Variants in ZNF503 observed in about 807,000 individuals in gnomAD.
The protein encoded by ZNF503 is zinc finger protein 503.
In ZNF503, 15 loss-of-function variants were observed where a neutral mutation model predicts 34.4. The observed-to-expected ratio is 0.44, with a 90% confidence interval of 0.29 to 0.67. The LOEUF (loss-of-function observed/expected upper bound fraction) is 0.67, where lower values mean the gene tolerates loss of function less well. ZNF503 is among the 30% of genes least tolerant of loss of function. The pLI is 0.13. For missense variants in ZNF503, 1,007 were observed against 926.8 expected (o/e 1.09, Z -1.12); for synonymous variants, 580 against 456.8 (o/e 1.27, Z -3.44).
In ZNF503 at chr10:75,400,409, CAGAG is replaced by C. The variant is rs1843781676; in HGVS notation, c.316-39_316-36del. Reference sequence around the variant, plus strand: ...CAGACGATGGGGGGGGAGCGTCACACAGAGAAAGAAGTGGAAACCCTTTAGAATC... The same window carrying C: ...CAGACGATGGGGGGGGAGCGTCACACAAAGAAGTGGAAACCCTTTAGAATC... On this transcript the variant is annotated intron_variant, in intron 1 of 1. Coordinates refer to ENST00000372524, the MANE Select transcript of ZNF503 (RefSeq NM_032772.6). 3.8e-6 allele frequency: 6 copies of C among 1,572,136 alleles called. No homozygotes were observed. In the African/African-American group the frequency reaches 6.8e-5, roughly 18 times the overall value.
At chr10:75,382,418 C>T in the ZNF503 span, 312 of 418,674 alleles carry the variant, frequency 7.5e-4, no homozygotes, top group African/African-American at 6.2e-3. Flanking sequence ...TTCCTCATGT[C>T]GGAGACTATC....
chr10:75,322,127 ATT>A, the ZNF503 span, among the ~76,000 whole-genome samples: 1 of 140,144 alleles, frequency 7.1e-6, no homozygotes. Context: ...ACCACCACCA[ATT>A]TTTTTTTTTT....
chr10:75,388,898 A>G, the ZNF503 span, among the ~76,000 whole-genome samples: 12 of 152,228 alleles, frequency 7.9e-5, no homozygotes, highest in Non-Finnish European at 1.3e-4. Flanking sequence ...AGGATTTAAA[A>G]TCTGCAGGCC....
the ZNF503 span, among the ~76,000 whole-genome samples, chr10:75,322,775 A>T: frequency 6.6e-6 from 1 of 152,158 alleles, no homozygotes; most frequent in Admixed American, 6.6e-5. Flanking sequence ...CAGGCATTTG[A>T]GGCTGAAGTG....
chr10:75,349,235 G>A, the ZNF503 span, among the ~76,000 whole-genome samples: 5 of 152,038 alleles, frequency 3.3e-5, no homozygotes, highest in South Asian at 6.3e-4. Flanking sequence ...TCCAATCTTC[G>A]GACACACTTT....
chr10:75,280,357 T>C, the ZNF503 span: 1 of 152,354 alleles, frequency 6.6e-6, no homozygotes, highest in East Asian at 1.9e-4. Context: ...TGAGAATCAA[T>C]CATGGTTCAG....
At chr10:75,381,969 A>G in the ZNF503 span, among the ~76,000 whole-genome samples, 1 of 151,336 alleles carries the variant, frequency 6.6e-6, no homozygotes, top group Admixed American at 6.6e-5. Flanking sequence ...ACCGTGCTCA[A>G]CTAATTTTTG....
the ZNF503 span, among the ~76,000 whole-genome samples, chr10:75,350,087 A>G: frequency 6.6e-6 from 1 of 152,210 alleles, no homozygotes; most frequent in Non-Finnish European, 1.5e-5. Context: ...CTCCTTTTGA[A>G]GCTTATGTGG....
the ZNF503 span, among the ~76,000 whole-genome samples, chr10:75,305,614 C>T: frequency 6.6e-6 from 1 of 152,046 alleles, no homozygotes; most frequent in African/African-American, 2.4e-5. Context: ...CTCCATCCAT[C>T]TTCAAAATTC....
the ZNF503 span, among the ~76,000 whole-genome samples, chr10:75,366,486 C>G: frequency 6.6e-6 from 1 of 152,234 alleles, no homozygotes; most frequent in Admixed American, 6.5e-5. Flanking sequence ...CTTTTCAGCT[C>G]TCCTCCATCA....
At chr10:75,287,827 C>T in the ZNF503 span, among the ~76,000 whole-genome samples, 2 of 152,200 alleles carry the variant, frequency 1.3e-5, no homozygotes, top group Admixed American at 1.3e-4. Context: ...ATATCTATCC[C>T]TGAGTCTAGT....
the ZNF503 span, among the ~76,000 whole-genome samples, chr10:75,329,332 T>C: frequency 8.5e-5 from 13 of 152,200 alleles, no homozygotes; most frequent in African/African-American, 2.9e-4. Flanking sequence ...GGGTTTTTTT[T>C]TCTTTTTTCT....
the ZNF503 span, among the ~76,000 whole-genome samples, chr10:75,329,044 G>T: frequency 6.6e-6 from 1 of 152,008 alleles, no homozygotes; most frequent in Non-Finnish European, 1.5e-5. Flanking sequence ...ACCGTGCTCG[G>T]CCTGTCTTTC....
chr10:75,329,579 C>T, the ZNF503 span, among the ~76,000 whole-genome samples: 208 of 152,196 alleles, frequency 1.4e-3, 1 homozygote, highest in African/African-American at 4.6e-3. Context: ...GATCCTCCTG[C>T]GTCAGCTTCC....
At chr10:75,350,400 A>G in the ZNF503 span, 1 of 152,356 alleles carries the variant, frequency 6.6e-6, no homozygotes, top group Non-Finnish European at 1.5e-5. Flanking sequence ...AAACCTGGAC[A>G]GGTGGTCACC....
the ZNF503 span, among the ~76,000 whole-genome samples, chr10:75,368,600 C>T: frequency 6.6e-6 from 1 of 152,206 alleles, no homozygotes; most frequent in Admixed American, 6.5e-5. Context: ...ACCTTCTTAG[C>T]AGAAACAAGG....
downstream of ZNF503, among the ~76,000 whole-genome samples, chr10:75,394,480 T>A (rs1324589279): frequency 6.6e-6 from 1 of 152,206 alleles, no homozygotes; most frequent in South Asian, 2.1e-4. Context: ...AGGGGATAAG[T>A]CCCACCTTCT....
chr10:75,362,396 G>T, the ZNF503 span, among the ~76,000 whole-genome samples: 3 of 152,090 alleles, frequency 2.0e-5, no homozygotes, highest in African/African-American at 4.8e-5. Flanking sequence ...AGGTTTGTGT[G>T]TATGAAGGCT....
At chr10:75,329,827 T>C in the ZNF503 span, among the ~76,000 whole-genome samples, 118,944 of 152,088 alleles carry the variant, frequency 0.78, 47,636 homozygotes, top group African/African-American at 0.95. Flanking sequence ...AGTTTGACTT[T>C]CTCCATTCCA....
Sources: gnomAD v4.1 joint callset for allele counts (sites outside exome capture counted in the v4.1 genomes callset) on GRCh38, gnomAD v4.1.1 for gene constraint, MANE v1.5 for transcripts, NCBI Gene and HGNC (gene_info 2026-07-23, HGNC 2026-07-21) for gene names.